LOXL2: variants seen among roughly 807,000 people sequenced by gnomAD.
LOXL2 encodes lysyl oxidase homolog 2.
Under a neutral mutation model 93.0 loss-of-function variants are expected in LOXL2, and 70 were observed. The observed-to-expected ratio is 0.75, with a 90% CI of 0.62 to 0.92. LOXL2 has a LOEUF of 0.92. Among genes scored for constraint, LOXL2 ranks in the 40% least tolerant of loss-of-function variants. LOXL2 has a pLI of 0.00. For synonymous variants in LOXL2, 438 were observed against 413.2 expected (o/e 1.06, Z -0.73); for missense variants, 973 against 1,054.9 (o/e 0.92, Z 1.08).
intron 1 of LOXL2, among the ~76,000 whole-genome samples, chr8:23,396,380 AG>A: frequency 6.6e-6 from 1 of 152,218 alleles, no homozygotes; most frequent in East Asian, 1.9e-4. Context: ...TCAGGTGGGA[AG>A]GGAAGGAGGG....
chr8:23,398,353 G>C (rs1040684719), intron 1 of LOXL2, among the ~76,000 whole-genome samples: 1 of 152,192 alleles, frequency 6.6e-6, no homozygotes, highest in Non-Finnish European at 1.5e-5. Context: ...AGGGCCAGCT[G>C]TGTCTGCTTG....
chr8:23,343,438 C>T (rs1410591652), intron 3 of LOXL2, among the ~76,000 whole-genome samples: 1 of 152,244 alleles, frequency 6.6e-6, no homozygotes, highest in African/African-American at 2.4e-5. Flanking sequence ...GTGGGCGGGC[C>T]AGGGACTGGG....
intron 1 of LOXL2, among the ~76,000 whole-genome samples, chr8:23,395,858 G>C (rs1563211543): frequency 6.6e-6 from 1 of 151,932 alleles, no homozygotes; most frequent in Non-Finnish European, 1.5e-5. Context: ...AATTTTAGTA[G>C]AGATGGGGTT....
At chr8:23,307,197 C>G (rs954900678) in intron 10 of LOXL2, among the ~76,000 whole-genome samples, 1 of 152,204 alleles carries the variant, frequency 6.6e-6, no homozygotes, top group African/African-American at 2.4e-5. Flanking sequence ...CAGCTCTCAT[C>G]AGCTTCCAAA....
chr8:23,402,040 G>A (rs1800157414), intron 1 of LOXL2, among the ~76,000 whole-genome samples: 2 of 151,610 alleles, frequency 1.3e-5, no homozygotes, highest in African/African-American at 4.8e-5. Context: ...ACACATGCGT[G>A]CACACACATA....
chr8:23,310,399 T>A (rs1360331074), intron 9 of LOXL2, among the ~76,000 whole-genome samples: 3 of 152,254 alleles, frequency 2.0e-5, no homozygotes, highest in Non-Finnish European at 4.4e-5. Context: ...TTTTCCAACA[T>A]GTATAATATT....
intron 1 of LOXL2, among the ~76,000 whole-genome samples, chr8:23,379,858 A>G (rs1282658700): frequency 6.6e-6 from 1 of 152,076 alleles, no homozygotes; most frequent in African/African-American, 2.4e-5. Flanking sequence ...TTTACTAGGA[A>G]AGGGAATTCC....
chr8:23,317,020 C>T lies in LOXL2; in HGVS notation c.1565G>A (p.Arg522His), dbSNP rs760460697. The T allele has an allele frequency of 3.2e-5, 51 of 1,614,016 alleles. No individual in the cohort carries two copies. The highest frequency in any genetic ancestry group is 3.6e-5 in the Non-Finnish European group (43 of 1,180,016). The change falls in exon 9 of 14, where the codon CGC (arginine) becomes CAC (histidine). Residue 522 changes from arginine (R) to histidine (H), a missense_variant. Transcript: ENST00000389131. ...SGTELSLAHC[R>H]HDGEDVACPQ... ...GCAGGCCACGTCCTCCCCGTCGTGG[C>T]GGCAGTGCGCCAGGGACAGCTCCGT...
intron 4 of LOXL2, among the ~76,000 whole-genome samples, chr8:23,338,298 G>A (rs1803827485): frequency 7.7e-6 from 1 of 129,170 alleles, no homozygotes; most frequent in African/African-American, 3.5e-5. Context: ...GTATCACTAG[G>A]GGAAGCAGAG....
In LOXL2 at chr8:23,300,005, CGGCT is replaced by C. The variant is rs532503815; in HGVS notation, c.2134-1062_2134-1059del. Among the ~76,000 whole-genome samples, 379 of 152,322 alleles carry C rather than the reference CGGCT, an allele frequency of 2.5e-3. 1 individual carries two copies. Among genetic ancestry groups the C allele is most frequent in the Middle Eastern group, 0.01 (3 of 294 alleles). ...AGGAGGTACATGCCCTGCTCCGGGG[CGGCT>C]TGAGTTTTTTCTTTTCCACCCAACC... On this transcript the variant is annotated intron_variant, in intron 12 of 13. Transcript: ENST00000389131.
At chr8:23,348,041 G>A (rs956884915) in intron 3 of LOXL2, among the ~76,000 whole-genome samples, 2 of 151,870 alleles carry the variant, frequency 1.3e-5, no homozygotes. Flanking sequence ...AGAAAGAAAA[G>A]GTGGCACATA....
intron 5 of LOXL2, 93 bp from the exon 6 acceptor site, chr8:23,328,658 T>G: frequency 8.2e-7 from 1 of 1,216,622 alleles, no homozygotes; most frequent in Non-Finnish European, 1.2e-6. Flanking sequence ...TGCCACCCTG[T>G]TCCCAGGCCA....
intron 5 of LOXL2, chr8:23,331,751 A>C (rs756278392): frequency 9.6e-4 from 59 of 61,514 alleles, no homozygotes; most frequent in African/African-American, 3.3e-3. Context: ...TACTTGTTCT[A>C]GGAAATCGGC....
At chr8:23,354,805 G>T (rs1804159300) in intron 3 of LOXL2, among the ~76,000 whole-genome samples, 1 of 151,706 alleles carries the variant, frequency 6.6e-6, no homozygotes, top group Non-Finnish European at 1.5e-5. Flanking sequence ...TCCAGTTCGT[G>T]CTTGAATTCC....
chr8:23,346,146 T>TAAAAAAAATAAA (rs1364307667), intron 3 of LOXL2, among the ~76,000 whole-genome samples: 27,832 of 77,472 alleles, frequency 0.36, 3,867 homozygotes, highest in African/African-American at 0.45. Flanking sequence ...ATAAAATAAA[T>TAAAAAAAATAAA]AAAATAAAAT....
chr8:23,300,784 A>G (rs1167047048), intron 12 of LOXL2, among the ~76,000 whole-genome samples: 1 of 152,250 alleles, frequency 6.6e-6, no homozygotes, highest in Non-Finnish European at 1.5e-5. Flanking sequence ...GGCAATTGAT[A>G]GTAGTTATTA....
intron 4 of LOXL2, among the ~76,000 whole-genome samples, chr8:23,339,133 A>G (rs1803840838): frequency 6.6e-6 from 1 of 151,788 alleles, no homozygotes; most frequent in Admixed American, 6.6e-5. Flanking sequence ...TCTCTTTGGG[A>G]CACATGTAGG....
At chr8:23,338,860 A>T (rs1803837524) in intron 4 of LOXL2, among the ~76,000 whole-genome samples, 1 of 152,128 alleles carries the variant, frequency 6.6e-6, no homozygotes, top group Admixed American at 6.5e-5. Flanking sequence ...GGAGAAGAGG[A>T]GCTGCAGCAG....
chr8:23,328,266 C>G (rs1303017971), intron 6 of LOXL2, 116 bp downstream of exon 6: 2 of 1,144,930 alleles, frequency 1.7e-6, no homozygotes, highest in Admixed American at 3.7e-5. Flanking sequence ...CAGGCAGCCA[C>G]TAAAGGGAGG....
Sources: allele counts gnomAD v4.1 joint callset (sites outside exome capture counted in the v4.1 genomes callset), GRCh38; gene constraint gnomAD v4.1.1; transcripts MANE v1.5; gene names NCBI Gene and HGNC (gene_info 2026-07-23, HGNC 2026-07-21).